Variants in ULK4 observed in about 807,000 individuals in gnomAD.
ULK4 encodes the protein unc-51 like kinase 4.
Under a neutral mutation model 160.6 loss-of-function variants are expected in ULK4, and 133 were observed. That is an observed-to-expected ratio of 0.83 (90% confidence interval 0.72 to 0.96). The LOEUF (loss-of-function observed/expected upper bound fraction) is 0.96, where lower values mean the gene tolerates loss of function less well. Among genes scored for constraint, ULK4 ranks in the 40% least tolerant of loss-of-function variants. The pLI is 0.00. For missense variants in ULK4, 1,580 were observed against 1,499.5 expected, an observed-to-expected ratio of 1.05 and a Z score of -0.89; for synonymous variants, 534 against 539.8, an observed-to-expected ratio of 0.99 and a Z score of 0.15.
In ULK4 at chr3:41,955,587, G is replaced by A. The variant is rs368613723; in HGVS notation, c.-48-780C>T. 37 of 155,200 alleles carry A rather than the reference G, an allele frequency of 2.4e-4. 1 individual carries two copies. In the South Asian group the frequency reaches 6.4e-3, roughly 27 times the overall value. The allele number at this position is 155,200 out of a possible 1,614,324, so 9.6% of individuals were successfully genotyped here. ...TCATGCGGGACATTATTCCAAAGAT[G>A]TATGGCTTTACTCCCTACGAGCTGG... On this transcript the variant is annotated intron_variant, in intron 1 of 36. Transcript: ENST00000301831.
At position 41,537,497 on chromosome 3, in the gene ULK4, A is replaced by T. The variant is rs74907153; in HGVS notation, c.3226+28528T>A. Among the ~76,000 whole-genome samples the T allele has an allele frequency of 4.4e-3, 671 of 152,284 alleles. 4 individuals are homozygous for T. The highest frequency in any genetic ancestry group is 7.7e-3 in the Non-Finnish European group (525 of 68,018). Reference sequence around the variant, plus strand: ...AAAAAGCCTGTAATGAGTCCTAAAAAGTCCTATGATCCATGATCTAGAGGC... The same window carrying T: ...AAAAAGCCTGTAATGAGTCCTAAAATGTCCTATGATCCATGATCTAGAGGC... On this transcript the variant is annotated intron_variant, in intron 32 of 36. Transcript: ENST00000301831.
At chr3:41,311,495 C>A (rs991354541) in intron 35 of ULK4, among the ~76,000 whole-genome samples, 12 of 152,208 alleles carry the variant, frequency 7.9e-5, no homozygotes, top group African/African-American at 2.2e-4. Context: ...CAGACGGGCT[C>A]TCCTTGCTCC....
At chr3:41,248,766 A>G (rs755478773) in intron 36 of ULK4, among the ~76,000 whole-genome samples, 2 of 152,208 alleles carry the variant, frequency 1.3e-5, no homozygotes, top group Non-Finnish European at 2.9e-5. Flanking sequence ...GGGTGGGGAA[A>G]TGTTCCACTG....
chr3:41,846,002 C>T (rs565660666), intron 17 of ULK4, among the ~76,000 whole-genome samples: 3 of 152,314 alleles, frequency 2.0e-5, no homozygotes, highest in South Asian at 2.1e-4. Context: ...AAATTTAAAA[C>T]ATTTTAATGC....
intron 17 of ULK4, among the ~76,000 whole-genome samples, chr3:41,865,471 A>T (rs2042595389): frequency 6.6e-6 from 1 of 152,038 alleles, no homozygotes; most frequent in African/African-American, 2.4e-5. Flanking sequence ...AAAGTAAAAA[A>T]GATGACCATT....
chr3:41,445,021 G>A (rs554128020), intron 34 of ULK4, among the ~76,000 whole-genome samples: 45 of 152,178 alleles, frequency 3.0e-4, no homozygotes, highest in East Asian at 7.7e-4. Context: ...CAACCTCAGC[G>A]AAGTCTCAGG....
At chr3:41,923,170 A>G (rs1489350046) in intron 5 of ULK4, among the ~76,000 whole-genome samples, 4 of 151,906 alleles carry the variant, frequency 2.6e-5, no homozygotes, top group Non-Finnish European at 5.9e-5. Context: ...CTCTGTCTCA[A>G]AAAAATAAAT....
chr3:41,249,718 C>T, intron 35 of ULK4, 144 bp from the exon 36 acceptor site: 1 of 763,470 alleles, frequency 1.3e-6, no homozygotes, highest in Non-Finnish European at 2.1e-6. Context: ...TTGTCTGTAA[C>T]CCCCATGCGT....
rs945928384 is a variant in ULK4, at chr3:41,257,650, T to A, written c.3679-8076A>T. Among the ~76,000 whole-genome samples, 5 of 148,368 alleles carry A rather than the reference T, an allele frequency of 3.4e-5. No homozygotes were observed. The South Asian group carries it at 6.4e-4, about 19-fold the overall frequency. ...TATGTCTCAAAAAAAAAAAAAAAAA[T>A]TAAACATAGTCCTACCATATGGCCA... On this transcript the variant is annotated intron_variant, in intron 35 of 36. Transcript: ENST00000301831.
At chr3:41,506,767 A>AAAAAAAAAAAAAAAAATATATAT in intron 32 of ULK4, among the ~76,000 whole-genome samples, 9 of 56,766 alleles carry the variant, frequency 1.6e-4, no homozygotes, top group African/African-American at 4.9e-4. Context: ...TGTGATTTAA[A>AAAAAAAAAAAAAAAAATATATAT]ATATATATAT....
chr3:41,857,569 A>G (rs1452056320), intron 17 of ULK4, among the ~76,000 whole-genome samples: 1 of 152,122 alleles, frequency 6.6e-6, no homozygotes, highest in Non-Finnish European at 1.5e-5. Context: ...TGTTAGGTAG[A>G]ATTCAGCAGT....
intron 35 of ULK4, among the ~76,000 whole-genome samples, chr3:41,322,769 C>T (rs746868123): frequency 2.6e-5 from 4 of 152,172 alleles, no homozygotes; most frequent in Non-Finnish European, 4.4e-5. Flanking sequence ...ATTTTTACTT[C>T]GCTCAAACAA....
intron 4 of ULK4, among the ~76,000 whole-genome samples, chr3:41,933,752 A>T (rs1003715832): frequency 6.6e-5 from 10 of 152,082 alleles, no homozygotes; most frequent in Non-Finnish European, 8.8e-5. Flanking sequence ...AATAAAAAAA[A>T]AATAATGTGG....
At chr3:41,522,640 T>C (rs2085971931) in intron 32 of ULK4, among the ~76,000 whole-genome samples, 1 of 152,228 alleles carries the variant, frequency 6.6e-6, no homozygotes, top group South Asian at 2.1e-4. Context: ...TTCTCTTTAT[T>C]AACATCCTGT....
At chr3:41,505,858 G>C (rs2085355743) in intron 32 of ULK4, among the ~76,000 whole-genome samples, 1 of 151,998 alleles carries the variant, frequency 6.6e-6, no homozygotes, top group African/African-American at 2.4e-5. Context: ...TTTAATAAAA[G>C]TGGTCATGGT....
intron 30 of ULK4, among the ~76,000 whole-genome samples, chr3:41,640,120 C>T (rs1367605011): frequency 1.3e-5 from 2 of 152,140 alleles, no homozygotes; most frequent in East Asian, 1.9e-4. Context: ...TGGGCAATGG[C>T]GTCCTTATCC....
intron 35 of ULK4, among the ~76,000 whole-genome samples, chr3:41,312,914 G>T (rs1019829577): frequency 1.3e-5 from 2 of 152,034 alleles, no homozygotes; most frequent in African/African-American, 4.8e-5. Context: ...TATTAGCAAA[G>T]AATAAAGGCT....
intron 35 of ULK4, among the ~76,000 whole-genome samples, chr3:41,364,255 T>A (rs1428541697): frequency 6.6e-6 from 1 of 152,144 alleles, no homozygotes; most frequent in African/African-American, 2.4e-5. Context: ...CTTCTCTTAA[T>A]CCAGTCACTG....
At chr3:41,662,300 C>T (rs2035203626) in intron 30 of ULK4, among the ~76,000 whole-genome samples, 1 of 152,182 alleles carries the variant, frequency 6.6e-6, no homozygotes, top group South Asian at 2.1e-4. Flanking sequence ...TCCCCGGATT[C>T]TTTTGCAACA....
Sources: gnomAD v4.1 joint callset for allele counts (sites outside exome capture counted in the v4.1 genomes callset) on GRCh38, gnomAD v4.1.1 for gene constraint, MANE v1.5 for transcripts, NCBI Gene and HGNC (gene_info 2026-07-23, HGNC 2026-07-21) for gene names.